KCNAB2: variants seen among roughly 807,000 people sequenced by gnomAD.
KCNAB2 encodes the protein potassium voltage-gated channel subfamily A regulatory beta subunit 2.
KCNAB2 carries 29 observed loss-of-function variants against 63.6 expected under a neutral mutation model. The observed-to-expected ratio is 0.46, with a 90% CI of 0.34 to 0.62. KCNAB2 has a LOEUF of 0.62. Among genes scored for constraint, KCNAB2 ranks in the 20% least tolerant of loss-of-function variants. KCNAB2 has a pLI of 0.01. For missense variants in KCNAB2, 359 were observed against 563.9 expected, an observed-to-expected ratio of 0.64 and a Z score of 3.68; for synonymous variants, 222 against 224.2, an observed-to-expected ratio of 0.99 and a Z score of 0.09.
At chr1:6,030,992 G>C (rs147710893), upstream of KCNAB2, among the ~76,000 whole-genome samples, 8 of 151,936 alleles carry the variant, frequency 5.3e-5, no homozygotes, top group Admixed American at 3.9e-4. Context: ...TGGATGCTGG[G>C]AGAAGTGAGG....
In KCNAB2 at chr1:6,100,084, G is replaced by C; in HGVS notation, c.*1510G>C. ...CCTCAGTGCAGGCACCTCTGTTCCC[G>C]CTTTGCCCCTGGAGGAGCCACTATT... On this transcript the variant is annotated 3_prime_UTR_variant, in exon 16 of 16. Transcript: ENST00000378083. The C allele has an allele frequency of 2.1e-6, 3 of 1,454,936 alleles. No individual in the cohort carries two copies. Among genetic ancestry groups the C allele is most frequent in the Non-Finnish European group, 2.7e-6 (3 of 1,101,578 alleles). The allele number at this position is 1,454,936 out of a possible 1,614,324, so 90.1% of individuals were successfully genotyped here.
intron 2 of KCNAB2, among the ~76,000 whole-genome samples, chr1:6,053,819 C>T (rs1009097380): frequency 2.0e-5 from 3 of 152,126 alleles, no homozygotes; most frequent in East Asian, 1.9e-4. Context: ...TGGTGGCTCA[C>T]GCCCGTAGTC....
intron 1 of KCNAB2, among the ~76,000 whole-genome samples, chr1:6,015,670 G>C (rs1658453216): frequency 6.6e-6 from 1 of 152,196 alleles, no homozygotes; most frequent in Admixed American, 6.5e-5. Context: ...TTGATTTGGA[G>C]CTTTAGAGAT....
At chr1:6,055,432 T>G (rs1661735373) in intron 2 of KCNAB2, among the ~76,000 whole-genome samples, 1 of 145,212 alleles carries the variant, frequency 6.9e-6, no homozygotes, top group Non-Finnish European at 1.5e-5. Context: ...CTCGGCTCAC[T>G]ACAACCTCTG....
intron 8 of KCNAB2, 69 bp from the exon 9 acceptor site, chr1:6,090,320 T>TG: frequency 8.9e-7 from 1 of 1,121,438 alleles, no homozygotes; most frequent in Non-Finnish European, 1.3e-6. Flanking sequence ...GAGCCGGGCA[T>TG]GGATGGGCCC....
intron 13 of KCNAB2, among the ~76,000 whole-genome samples, chr1:6,095,939 C>T (rs1298711880): frequency 1.3e-5 from 2 of 149,118 alleles, no homozygotes; most frequent in African/African-American, 4.9e-5. Flanking sequence ...CCCACCACAG[C>T]CCAGCATTCA....
Position 6,051,578 on chromosome 1 carries a change from C to A in KCNAB2, c.42C>A (p.Ser14Arg). 6.5e-7 allele frequency: 1 copy of A among 1,534,272 alleles called. No homozygotes were observed. Among genetic ancestry groups the A allele is most frequent in the Non-Finnish European group, 8.7e-7 (1 of 1,145,868 alleles). Residue 14 changes from serine (S) to arginine (R), a missense_variant, in exon 2 of 16, where the codon AGC becomes AGA. This residue lies in a region of KCNAB2 where 88 missense variants were observed against 87.8 expected (regional missense o/e 1.00). Coordinates refer to ENST00000378083, the MANE Select transcript of KCNAB2 (RefSeq NM_001199862.2). ...ACAGCGAGAGTCTGCGGAGCGTGAG[C>A]AGCAGGTGCCACTCTGAATGGGCCC... ...MTYSESLRSV[S>R]SRCHSEWALH... is the part of the protein sequence containing the mutation.
Position 6,024,521 on chromosome 1 carries a change from A to G in KCNAB2, c.-52-15996A>G, listed in dbSNP as rs952716951. 3.9e-5 allele frequency among the ~76,000 whole-genome samples: 6 copies of G among 152,248 alleles called. No individual in the cohort carries two copies. The highest frequency in any genetic ancestry group is 1.4e-4 in the African/African-American group (6 of 41,466). On this transcript the variant is annotated intron_variant, in intron 1 of 16. Transcript: ENST00000341524. This position sits in a 1 kb window ranked among gnomAD's most constrained non-coding sequence, Gnocchi z 5.4. ...ATACAATTTATTTTTAAGAGCCAGGAATGAAGCTGAGGTTTGAGGGCTGGT... is the reference window on the plus strand; with the variant it reads ...ATACAATTTATTTTTAAGAGCCAGGGATGAAGCTGAGGTTTGAGGGCTGGT...
chr1:6,044,804 G>C (rs1357403519), upstream of KCNAB2, among the ~76,000 whole-genome samples: 1 of 152,212 alleles, frequency 6.6e-6, no homozygotes, highest in Admixed American at 6.5e-5. Flanking sequence ...GAACTGCACA[G>C]AGAGAGAATG....
intron 1 of KCNAB2, among the ~76,000 whole-genome samples, chr1:6,001,604 G>A (rs1481352500): frequency 6.6e-6 from 1 of 152,200 alleles, no homozygotes; most frequent in Admixed American, 6.5e-5. Context: ...GTCTGTGTGA[G>A]CAGCAGGAGA....
Position 6,090,446 on chromosome 1 carries a change from A to G in KCNAB2, c.572A>G (p.Asn191Ser). 1 of 1,613,746 alleles carries G rather than the reference A, an allele frequency of 6.2e-7. No individual in the cohort carries two copies. The highest frequency in any genetic ancestry group is 8.5e-7 in the Non-Finnish European group (1 of 1,179,924). The change falls in exon 9 of 16, where the codon AAC (asparagine) becomes AGC (serine). Residue 191 changes from asparagine (N) to serine (S), a missense_variant. Asn to Ser is a conservative substitution (Grantham distance 46). Coordinates refer to ENST00000378083, the MANE Select transcript of KCNAB2 (RefSeq NM_001199862.2). ...GAGTACGTGGATGTGGTGTTTGCCA[A>G]CCGCCCGGACCCCAACACCCCGATG... ...QLEYVDVVFA[N>S]RPDPNTPMEG...
chr1:6,009,521 G>A (rs776896334), intron 1 of KCNAB2, among the ~76,000 whole-genome samples: 86 of 152,398 alleles, frequency 5.6e-4, no homozygotes, highest in Admixed American at 2.1e-3. Flanking sequence ...ACACTGTCCA[G>A]CCTGATTCTG....
chr1:6,002,187 C>T (rs969757248), intron 1 of KCNAB2, among the ~76,000 whole-genome samples: 2 of 152,214 alleles, frequency 1.3e-5, no homozygotes, highest in Admixed American at 6.5e-5. Context: ...CTCCCCTGGC[C>T]GTGGCAGGCA....
At chr1:6,097,389 C>G (rs1414482345) in intron 15 of KCNAB2, 32 bp downstream of exon 15, 1 of 1,549,346 alleles carries the variant, frequency 6.5e-7, no homozygotes, top group African/African-American at 1.4e-5. Context: ...GGGCAGAGGG[C>G]CCATCCCAGC....
At chr1:6,064,554 G>A (rs1373995080) in intron 2 of KCNAB2, among the ~76,000 whole-genome samples, 1 of 152,200 alleles carries the variant, frequency 6.6e-6, no homozygotes, top group African/African-American at 2.4e-5. Flanking sequence ...AGGGAGAAGG[G>A]TAGGGGGCAA....
chr1:6,045,619 G>T (rs1160213460), upstream of KCNAB2, among the ~76,000 whole-genome samples: 1 of 152,220 alleles, frequency 6.6e-6, no homozygotes, highest in Non-Finnish European at 1.5e-5. The surrounding 1 kb of genome is among the most constrained non-coding windows in gnomAD (Gnocchi z 4.8). Flanking sequence ...GGCCTCTCCA[G>T]ACCCCCTTGG....
chr1:6,022,735 A>G (rs998032680), intron 1 of KCNAB2, among the ~76,000 whole-genome samples: 1 of 152,076 alleles, frequency 6.6e-6, no homozygotes. Flanking sequence ...TTGGAATTGT[A>G]CAGTATTTGT....
At position 6,086,005 on chromosome 1, in the gene KCNAB2, T is replaced by C. The variant is rs2100738272; in HGVS notation, c.425+757T>C. On this transcript the variant is annotated intron_variant, in intron 6 of 15. Transcript: ENST00000378083. This position sits in a 1 kb window ranked among gnomAD's most constrained non-coding sequence, Gnocchi z 4.2. Reference sequence around the variant, plus strand: ...TTCTCTCCCAGGAGCCTATGGGCCCTTCCCAGGCCAAGGTCCTCACCCACC... The same window carrying C: ...TTCTCTCCCAGGAGCCTATGGGCCCCTCCCAGGCCAAGGTCCTCACCCACC... 1 of 985,464 alleles carries C rather than the reference T, an allele frequency of 1.0e-6. No homozygotes were observed. Among genetic ancestry groups the C allele is most frequent in the East Asian group, 1.1e-4 (1 of 8,800 alleles). 61.0% of individuals were successfully genotyped at this position (985,464 alleles called of 1,614,324 possible).
upstream of KCNAB2, among the ~76,000 whole-genome samples, chr1:6,042,832 C>T (rs1660604951): frequency 1.7e-5 from 1 of 57,280 alleles, no homozygotes; most frequent in South Asian, 9.3e-4. Context: ...CTCCCCGCGC[C>T]CCCACTCCCC....
Sources: allele counts gnomAD v4.1 joint callset (sites outside exome capture counted in the v4.1 genomes callset), GRCh38; gene constraint gnomAD v4.1.1; regional missense constraint gnomAD v4.1.1; non-coding constraint Gnocchi (gnomAD v3.1); transcripts MANE v1.5; gene names NCBI Gene and HGNC (gene_info 2026-07-23, HGNC 2026-07-21).